TEKT5: variants seen among roughly 807,000 people sequenced by gnomAD.
TEKT5 encodes tektin 5.
In TEKT5, 52 loss-of-function variants were observed where a neutral mutation model predicts 48.7. The ratio of observed to expected loss-of-function variants is 1.07; its 90% CI spans 0.86 to 1.35. The LOEUF is 1.35. Ranked by LOEUF, TEKT5 falls within the 40% of genes most tolerant of loss-of-function variation. The probability of loss-of-function intolerance (pLI) is 0.00; values close to 1 mark genes in which losing one functional copy is unlikely to be tolerated. For missense variants in TEKT5, 831 were observed against 641.6 expected (o/e 1.30, Z -3.19); for synonymous variants, 318 against 267.6 (o/e 1.19, Z -1.84).
chr16:10,631,573 G>C (rs950390739), intron 6 of TEKT5, among the ~76,000 whole-genome samples: 1 of 152,088 alleles, frequency 6.6e-6, no homozygotes, highest in Admixed American at 6.6e-5. Context: ...TTAGGAAATA[G>C]GGTCTTTGCA....
chr16:10,687,078 C>T (rs1260230249), intron 3 of TEKT5, among the ~76,000 whole-genome samples: 1 of 152,008 alleles, frequency 6.6e-6, no homozygotes, highest in Non-Finnish European at 1.5e-5. Flanking sequence ...TTACCAGAGG[C>T]TGGGGGTGGG....
intron 5 of TEKT5, among the ~76,000 whole-genome samples, chr16:10,660,331 C>T (rs543351818): frequency 2.0e-5 from 3 of 152,256 alleles, no homozygotes; most frequent in South Asian, 2.1e-4. Flanking sequence ...GCCACATGCC[C>T]CCACCTTTGG....
chr16:10,643,145 C>T (rs1898019229), intron 5 of TEKT5, among the ~76,000 whole-genome samples: 2 of 152,060 alleles, frequency 1.3e-5, no homozygotes, highest in Non-Finnish European at 2.9e-5. Flanking sequence ...CTTTGGGATG[C>T]CGAGGCAGGA....
At chr16:10,680,691 G>A (rs1898731184) in intron 4 of TEKT5, among the ~76,000 whole-genome samples, 1 of 151,554 alleles carries the variant, frequency 6.6e-6, no homozygotes, top group Non-Finnish European at 1.5e-5. Context: ...AAAAAATGAT[G>A]AGTTCATGTC....
intron 5 of TEKT5, among the ~76,000 whole-genome samples, chr16:10,653,536 G>A (rs1479819577): frequency 1.3e-5 from 2 of 152,308 alleles, no homozygotes; most frequent in Admixed American, 6.5e-5. Flanking sequence ...CATGCAATAT[G>A]CATTCAACAT....
intron 6 of TEKT5, among the ~76,000 whole-genome samples, chr16:10,629,057 T>C (rs889523926): frequency 6.6e-6 from 1 of 152,020 alleles, no homozygotes; most frequent in African/African-American, 2.4e-5. Context: ...GGCAAAGCCA[T>C]ACGGACAGAA....
chr16:10,635,816 A>C lies in TEKT5; in HGVS notation c.1189T>G (p.Cys397Gly). Residue 397 changes from cysteine (C) to glycine (G), a missense_variant, in exon 6 of 7, where the codon TGC becomes GGC. Cys to Gly is a radical substitution (Grantham distance 159). Coordinates refer to ENST00000283025, the MANE Select transcript of TEKT5 (RefSeq NM_144674.2). ...TCCATGTTGGGGCGCCGGGTCCGGC[A>C]CTCCAGCCTTGTCTGGGCCACCTTC... The part of the protein sequence containing the change: ...PLKVAQTRLE[C>G]RTRRPNMELC... The C allele has an allele frequency of 6.2e-7, 1 of 1,614,012 alleles. No homozygotes were observed. The highest frequency in any genetic ancestry group is 2.2e-5 in the East Asian group (1 of 44,878).
At chr16:10,662,965 G>A (rs1052381079) in intron 5 of TEKT5, among the ~76,000 whole-genome samples, 1 of 152,160 alleles carries the variant, frequency 6.6e-6, no homozygotes, top group Non-Finnish European at 1.5e-5. Context: ...CTTGCAGCAG[G>A]ATGGAAAACT....
At chr16:10,656,460 C>T (rs1013937817) in intron 5 of TEKT5, among the ~76,000 whole-genome samples, 5 of 151,862 alleles carry the variant, frequency 3.3e-5, no homozygotes, top group African/African-American at 1.2e-4. Context: ...ACCATGTTAC[C>T]CAGGCTGGCC....
intron 5 of TEKT5, among the ~76,000 whole-genome samples, chr16:10,660,149 T>C (rs989416789): frequency 1.3e-5 from 2 of 152,116 alleles, no homozygotes; most frequent in African/African-American, 4.8e-5. Flanking sequence ...ATCTCCAGTA[T>C]GGGATCCAAT....
At position 10,627,730 on chromosome 16, in the gene TEKT5, CT is replaced by C; in HGVS notation, c.1310del (p.Gln437ArgfsTer9). ...TCATGACCAGCAGCTGCAGCGTGTC[CT>C]GTGTCTCCCGCAGCCGCAGCTTGAG... is the stretch of plus-strand genomic sequence containing the variant. Reference protein sequence around the residue: ...QTLKLRLRETQDTLQLLVMTK... With the variant: ...QTLKLRLRETXDTLQLLVMTK... On this transcript the variant is annotated frameshift_variant, in exon 7 of 7. Transcript: ENST00000283025. LOFTEE classifies it high-confidence loss of function. 1.9e-6 allele frequency: 3 copies of C among 1,614,200 alleles called. No homozygotes were observed. The highest frequency in any genetic ancestry group is 2.5e-6 in the Non-Finnish European group (3 of 1,180,030).
Position 10,693,682 on chromosome 16 carries a change from G to A in TEKT5, c.564+628C>T, listed in dbSNP as rs954295286. ...CATGTTAAATGATAAGTATTACGGG[G>A]AAAAATAAGGCAGTTATGGGCCAGG... On this transcript the variant is annotated intron_variant, in intron 1 of 6. Coordinates refer to ENST00000283025, the MANE Select transcript of TEKT5 (RefSeq NM_144674.2). Among the ~76,000 whole-genome samples, 3 of 152,184 alleles carry A rather than the reference G, an allele frequency of 2.0e-5. No homozygotes were observed. The South Asian group carries it at 6.2e-4, about 32-fold the overall frequency.
chr16:10,669,885 C>G (rs2142294960), intron 5 of TEKT5, among the ~76,000 whole-genome samples: 1 of 152,276 alleles, frequency 6.6e-6, no homozygotes, highest in Non-Finnish European at 1.5e-5. Context: ...CTTCTTTAGT[C>G]CAGAGAAGTC....
intron 1 of TEKT5, among the ~76,000 whole-genome samples, chr16:10,692,052 G>A (rs1171923027): frequency 6.6e-6 from 1 of 152,152 alleles, no homozygotes; most frequent in Non-Finnish European, 1.5e-5. Flanking sequence ...GGGAGACCAG[G>A]TGGCTTACAT....
intron 5 of TEKT5, among the ~76,000 whole-genome samples, chr16:10,665,085 G>A (rs964854694): frequency 6.6e-6 from 1 of 152,182 alleles, no homozygotes; most frequent in Admixed American, 6.5e-5. Context: ...CACAGAAGGT[G>A]GAGATGGAAG....
chr16:10,675,607 T>C (rs994069927), intron 5 of TEKT5, among the ~76,000 whole-genome samples: 1 of 152,132 alleles, frequency 6.6e-6, no homozygotes, highest in African/African-American at 2.4e-5. Context: ...GGAGAAGATG[T>C]GCAGAAGTGG....
intron 5 of TEKT5, among the ~76,000 whole-genome samples, chr16:10,658,591 G>T (rs1252225050): frequency 6.6e-6 from 1 of 152,130 alleles, no homozygotes; most frequent in East Asian, 1.9e-4. Flanking sequence ...TTTGGGGAGG[G>T]GGTGTAGACT....
At chr16:10,681,951 G>A (rs755464087) in intron 4 of TEKT5, 42 bp downstream of exon 4, 1 of 1,602,964 alleles carries the variant, frequency 6.2e-7, no homozygotes, top group African/African-American at 1.3e-5. Context: ...CCTCACTCCA[G>A]TTGGACACGC....
At chr16:10,646,967 T>A (rs922791649) in intron 5 of TEKT5, among the ~76,000 whole-genome samples, 1 of 152,208 alleles carries the variant, frequency 6.6e-6, no homozygotes, top group Non-Finnish European at 1.5e-5. Flanking sequence ...GTGGGGGCAG[T>A]GGGTGGGATG....
Sources: allele counts gnomAD v4.1 joint callset (sites outside exome capture counted in the v4.1 genomes callset), GRCh38; gene constraint gnomAD v4.1.1; transcripts MANE v1.5; gene names NCBI Gene and HGNC (gene_info 2026-07-23, HGNC 2026-07-21).